The following SORCS3 variants were observed in gnomAD, a reference collection of about 807,000 sequenced individuals.
SORCS3 encodes the protein VPS10 domain-containing receptor SorCS3.
A neutral mutation model predicts 146.3 loss-of-function variants in SORCS3; 57 were observed. The ratio of observed to expected loss-of-function variants is 0.39; its 90% CI spans 0.31 to 0.49. The LOEUF is 0.49. Among genes scored for constraint, SORCS3 ranks in the 20% least tolerant of loss-of-function variants. The pLI is 0.92. For missense variants in SORCS3, 1,341 were observed against 1,575.5 expected (o/e 0.85, Z 2.52); for synonymous variants, 653 against 618.5 (o/e 1.06, Z -0.83).
intron 1 of SORCS3, among the ~76,000 whole-genome samples, chr10:104,840,198 C>T (rs2018121910): frequency 6.6e-6 from 1 of 152,128 alleles, no homozygotes; most frequent in Non-Finnish European, 1.5e-5. Context: ...ATGGCAGCTA[C>T]TGAGAGGAAG....
intron 1 of SORCS3, among the ~76,000 whole-genome samples, chr10:104,666,941 AAAATTATTAGGGGCATAAGATGT>A (rs1346968698): frequency 6.6e-6 from 1 of 152,118 alleles, no homozygotes; most frequent in East Asian, 1.9e-4. Flanking sequence ...GGCAGAGCTG[AAAATTATTAGGGGCATAAGATGT>A]AAACTGTGTT....
chr10:105,182,430 G>A (rs796500875), intron 14 of SORCS3, among the ~76,000 whole-genome samples: 1 of 151,910 alleles, frequency 6.6e-6, no homozygotes, highest in Non-Finnish European at 1.5e-5. Context: ...CTCCAGGCTT[G>A]AAGGTAAAAT....
At chr10:104,855,982 T>C (rs1271387293) in intron 2 of SORCS3, among the ~76,000 whole-genome samples, 1 of 152,168 alleles carries the variant, frequency 6.6e-6, no homozygotes, top group African/African-American at 2.4e-5. Flanking sequence ...GTGATCCTCC[T>C]GCCTTGGCCT....
chr10:105,050,546 A>G lies in SORCS3; in HGVS notation c.1028+7418A>G, dbSNP rs151217175. On this transcript the variant is annotated intron_variant, in intron 5 of 26. Transcript: ENST00000369701. Reference sequence around the variant, plus strand: ...CAGTCACATGAGTGAGTTCAAAAGCAGATCCTTCTCCAGTCAAGCCTTCAT... The same window carrying G: ...CAGTCACATGAGTGAGTTCAAAAGCGGATCCTTCTCCAGTCAAGCCTTCAT... Among the ~76,000 whole-genome samples, 7 of 152,258 alleles carry G rather than the reference A, an allele frequency of 4.6e-5. No individual in the cohort carries two copies. In the East Asian group the frequency reaches 1.4e-3, roughly 30 times the overall value.
At chr10:104,799,967 T>C (rs1005555767) in intron 1 of SORCS3, among the ~76,000 whole-genome samples, 26 of 152,032 alleles carry the variant, frequency 1.7e-4, no homozygotes, top group African/African-American at 5.3e-4. Flanking sequence ...TGAGCCACCG[T>C]GCCTGGCCCA....
At chr10:104,922,466 A>AGGG (rs1158510281) in intron 3 of SORCS3, among the ~76,000 whole-genome samples, 4 of 152,168 alleles carry the variant, frequency 2.6e-5, no homozygotes, top group African/African-American at 9.6e-5. Flanking sequence ...GGATGCATGC[A>AGGG]GGGGCCAGAA....
chr10:105,062,058 T>G (rs1156712194), intron 5 of SORCS3, among the ~76,000 whole-genome samples: 1 of 152,184 alleles, frequency 6.6e-6, no homozygotes, highest in Admixed American at 6.5e-5. Context: ...GTTATTTATT[T>G]CAAATTCTTG....
At chr10:105,060,146 AG>A (rs112719154) in intron 5 of SORCS3, among the ~76,000 whole-genome samples, 3 of 151,990 alleles carry the variant, frequency 2.0e-5, no homozygotes, top group Non-Finnish European at 4.4e-5. Flanking sequence ...TTGGAATTTG[AG>A]GGGGGTTTGA....
In SORCS3 at chr10:105,030,562, A is replaced by T. The variant is rs544388984; in HGVS notation, c.955-12493A>T. On this transcript the variant is annotated intron_variant, in intron 4 of 26. Transcript: ENST00000369701. ...TCTAGACTTAGGGGGTGAGGAAAGA[A>T]ATCCTAGCTCTCCAAAGAAGATGCT... Among the ~76,000 whole-genome samples the T allele has an allele frequency of 5.9e-5, 9 of 152,072 alleles. No individual in the cohort carries two copies. In the East Asian group the frequency reaches 1.7e-3, roughly 29 times the overall value.
intron 1 of SORCS3, among the ~76,000 whole-genome samples, chr10:104,749,380 G>A (rs1285617465): frequency 6.6e-6 from 1 of 151,898 alleles, no homozygotes; most frequent in Non-Finnish European, 1.5e-5. Context: ...TGCATCAGCT[G>A]TTTTCCTAGT....
chr10:105,010,515 A>C (rs2055128507), intron 4 of SORCS3, among the ~76,000 whole-genome samples: 3 of 152,346 alleles, frequency 2.0e-5, no homozygotes. Flanking sequence ...GAAGCTTAGA[A>C]GATCAGGGAA....
chr10:104,722,606 C>T (rs1420075524), intron 1 of SORCS3, among the ~76,000 whole-genome samples: 3 of 152,144 alleles, frequency 2.0e-5, no homozygotes, highest in Admixed American at 6.6e-5. Flanking sequence ...TCCAACTGGT[C>T]CTGGACTTTT....
intron 1 of SORCS3, among the ~76,000 whole-genome samples, chr10:104,778,152 A>T (rs1380035230): frequency 1.3e-5 from 2 of 152,240 alleles, no homozygotes; most frequent in East Asian, 3.8e-4. Flanking sequence ...CAAATGTCTT[A>T]GACGATGGAT....
At chr10:104,697,093 C>T (rs1021724683) in intron 1 of SORCS3, among the ~76,000 whole-genome samples, 1 of 151,808 alleles carries the variant, frequency 6.6e-6, no homozygotes, top group African/African-American at 2.4e-5. Context: ...TGGTAATCAT[C>T]ACATTGAACA....
intron 18 of SORCS3, among the ~76,000 whole-genome samples, chr10:105,215,739 A>G (rs1023313741): frequency 4.7e-4 from 71 of 152,316 alleles, no homozygotes; most frequent in African/African-American, 1.5e-3. Context: ...GCAAGAGAGT[A>G]CCTATCAATA....
chr10:104,682,924 A>G (rs546840771), intron 1 of SORCS3, among the ~76,000 whole-genome samples: 3 of 152,236 alleles, frequency 2.0e-5, no homozygotes, highest in South Asian at 4.1e-4. Flanking sequence ...AGTCTTGCTC[A>G]GGCCTGGTCC....
chr10:105,022,318 A>T (rs1589598008), intron 4 of SORCS3, among the ~76,000 whole-genome samples: 1 of 132,742 alleles, frequency 7.5e-6, no homozygotes. Flanking sequence ...TTTTTTCGAG[A>T]CGGAGTTTCG....
chr10:105,122,088 G>T (rs1339800558), intron 7 of SORCS3, among the ~76,000 whole-genome samples: 1 of 152,040 alleles, frequency 6.6e-6, no homozygotes, highest in African/African-American at 2.4e-5. Flanking sequence ...CCTTTTCTGG[G>T]TCCTTCTCCT....
intron 1 of SORCS3, among the ~76,000 whole-genome samples, chr10:104,731,226 C>A (rs2016703566): frequency 6.6e-6 from 1 of 152,192 alleles, no homozygotes; most frequent in Non-Finnish European, 1.5e-5. Context: ...CACCATCACC[C>A]TCCATTCATT....
Sources: allele counts gnomAD v4.1 joint callset (sites outside exome capture counted in the v4.1 genomes callset), GRCh38; gene constraint gnomAD v4.1.1; transcripts MANE v1.5; gene names NCBI Gene and HGNC (gene_info 2026-07-23, HGNC 2026-07-21).